EVI5: variants seen among roughly 807,000 people sequenced by gnomAD.
The protein encoded by EVI5 is ecotropic viral integration site 5 protein homolog.
In EVI5, 73 loss-of-function variants were observed where a neutral mutation model predicts 112.0. That is an observed-to-expected ratio of 0.65 (90% CI 0.54 to 0.79). EVI5 has a LOEUF of 0.79. Ranked by LOEUF, EVI5 falls within the 30% of genes least tolerant of loss-of-function variation. EVI5 has a pLI of 0.00. For synonymous variants in EVI5, 305 were observed against 319.9 expected, an observed-to-expected ratio of 0.95 and a Z score of 0.50; for missense variants, 900 against 968.8, an observed-to-expected ratio of 0.93 and a Z score of 0.94.
At position 92,784,853 on chromosome 1, in the gene EVI5, G is replaced by C. The variant is rs1685412680; in HGVS notation, c.-99C>G. The stretch of plus-strand genomic sequence containing the variant: ...CCCCTCACCTTGGAAACGTTGAGTA[G>C]ACTTCGCCGTAAACATTAACTTCCC... On this transcript the variant is annotated 5_prime_UTR_variant, in exon 1 of 20. Transcript: ENST00000684568. 2 of 985,558 alleles carry C rather than the reference G, an allele frequency of 2.0e-6. No homozygotes were observed. Among genetic ancestry groups the C allele is most frequent in the African/African-American group, 1.7e-5 (1 of 57,192 alleles). 61.1% of individuals were successfully genotyped at this position (985,558 alleles called of 1,614,324 possible).
At chr1:92,575,748 G>A (rs958249907) in intron 18 of EVI5, among the ~76,000 whole-genome samples, 1 of 151,792 alleles carries the variant, frequency 6.6e-6, no homozygotes, top group African/African-American at 2.4e-5. Flanking sequence ...ATTTTTAGCA[G>A]AGACAGGGTT....
chr1:92,725,721 T>TA lies in EVI5; in HGVS notation c.149+10676dup, dbSNP rs35476776. ...CTGGGTGACAGAGTGAGATTTTGTT[T>TA]AAAAAAAAAAAAAAATCGGGCATGC... is the stretch of plus-strand genomic sequence containing the variant. On this transcript the variant is annotated intron_variant, in intron 2 of 19. Transcript: ENST00000684568. Among the ~76,000 whole-genome samples, 17 of 146,634 alleles carry TA rather than the reference T, an allele frequency of 1.2e-4. 1 individual carries two copies. The highest frequency in any genetic ancestry group is 4.7e-4 in the Admixed American group (7 of 14,780).
chr1:92,619,445 C>CAT (rs34573809), intron 16 of EVI5, among the ~76,000 whole-genome samples: 60,610 of 146,508 alleles, frequency 0.41, 13,112 homozygotes, highest in East Asian at 0.72. Context: ...AATAAACTCC[C>CAT]ATATATATAT....
At chr1:92,704,150 A>G (rs1029505928) in intron 3 of EVI5, among the ~76,000 whole-genome samples, 1 of 151,964 alleles carries the variant, frequency 6.6e-6, no homozygotes, top group Admixed American at 6.6e-5. Context: ...TCTCTACAAA[A>G]AGGAAAATAA....
chr1:92,695,186 A>C (rs1354249560), intron 7 of EVI5, 124 bp downstream of exon 7: 1 of 697,598 alleles, frequency 1.4e-6, no homozygotes, highest in African/African-American at 1.8e-5. Flanking sequence ...AAATGAGATT[A>C]TCCATGTAAG....
At chr1:92,768,201 C>G (rs980007318) in intron 1 of EVI5, among the ~76,000 whole-genome samples, 2 of 152,010 alleles carry the variant, frequency 1.3e-5, no homozygotes, top group African/African-American at 4.8e-5. Context: ...GGTCTTAATT[C>G]CCTGAGCTCC....
intron 18 of EVI5, chr1:92,580,388 T>C (rs113949236): frequency 6.6e-6 from 1 of 152,242 alleles, no homozygotes; most frequent in Non-Finnish European, 1.5e-5. Context: ...GCTTCAAAGC[T>C]TAAGTAATAA....
chr1:92,708,387 T>A (rs1570492090), intron 2 of EVI5, among the ~76,000 whole-genome samples: 1 of 152,068 alleles, frequency 6.6e-6, no homozygotes, highest in African/African-American at 2.4e-5. Flanking sequence ...ACATCACTAG[T>A]CATAGGGAAA....
chr1:92,633,271 G>A (rs1279200512), intron 14 of EVI5, among the ~76,000 whole-genome samples: 2 of 152,108 alleles, frequency 1.3e-5, no homozygotes, highest in Non-Finnish European at 2.9e-5. Flanking sequence ...TTGACAGTGG[G>A]GTGTTAAAGT....
At chr1:92,777,825 T>C (rs548615618) in intron 1 of EVI5, among the ~76,000 whole-genome samples, 1 of 152,214 alleles carries the variant, frequency 6.6e-6, no homozygotes, top group South Asian at 2.1e-4. Context: ...CAAGCCATTA[T>C]GACAGGGAGA....
intron 18 of EVI5, among the ~76,000 whole-genome samples, chr1:92,585,900 T>A (rs921554672): frequency 6.6e-6 from 1 of 152,188 alleles, no homozygotes; most frequent in South Asian, 2.1e-4. Context: ...CACATTACAT[T>A]TAGTTGTAAT....
chr1:92,671,555 A>C (rs1665881628), intron 10 of EVI5, among the ~76,000 whole-genome samples: 1 of 152,172 alleles, frequency 6.6e-6, no homozygotes. Flanking sequence ...ATATTTAAGA[A>C]GCTAACTGGA....
At chr1:92,544,532 T>A (rs1422399113) in intron 19 of EVI5, among the ~76,000 whole-genome samples, 1 of 152,268 alleles carries the variant, frequency 6.6e-6, no homozygotes, top group Middle Eastern at 3.4e-3. Context: ...AAAAGACATA[T>A]GATGACCTCC....
intron 14 of EVI5, among the ~76,000 whole-genome samples, chr1:92,632,108 T>A (rs1224489071): frequency 6.6e-6 from 1 of 152,176 alleles, no homozygotes; most frequent in African/African-American, 2.4e-5. Context: ...ATTTTCACAT[T>A]GATGTTCATC....
chr1:92,742,834 A>AT (rs1158206671), intron 1 of EVI5, among the ~76,000 whole-genome samples: 1 of 152,252 alleles, frequency 6.6e-6, no homozygotes, highest in Non-Finnish European at 1.5e-5. Context: ...CGAAAACAGT[A>AT]TGGCAGTTCC....
chr1:92,636,565 T>C lies in EVI5; in HGVS notation c.1393-229A>G, dbSNP rs185885364. 2.1e-3 allele frequency among the ~76,000 whole-genome samples: 322 copies of C among 152,328 alleles called. 3 individuals are homozygous for C. The highest frequency in any genetic ancestry group is 6.8e-3 in the Middle Eastern group (2 of 294). On this transcript the variant is annotated intron_variant, in intron 13 of 19. Transcript: ENST00000684568. ...GACCACATTATTGGGTTTTGGTAAC[T>C]AGTTATTACGCTGATCAAATCTGAT...
intron 13 of EVI5, 52 bp from the exon 14 acceptor site, chr1:92,636,388 T>C (rs763968277): frequency 2.7e-6 from 4 of 1,506,488 alleles, no homozygotes; most frequent in South Asian, 1.2e-5. Flanking sequence ...AACATGTATA[T>C]ACAATAAAAA....
chr1:92,580,219 T>C (rs940587243), intron 18 of EVI5, among the ~76,000 whole-genome samples: 1 of 152,218 alleles, frequency 6.6e-6, no homozygotes, highest in Non-Finnish European at 1.5e-5. Context: ...GAGTCATTCT[T>C]TCCTGTTTAA....
intron 9 of EVI5, among the ~76,000 whole-genome samples, chr1:92,685,027 C>A (rs919860037): frequency 2.6e-5 from 4 of 151,814 alleles, no homozygotes; most frequent in African/African-American, 4.8e-5. Flanking sequence ...ATATCCAGGA[C>A]TTGAACTCAG....
Sources: allele counts gnomAD v4.1 joint callset (sites outside exome capture counted in the v4.1 genomes callset), GRCh38; gene constraint gnomAD v4.1.1; transcripts MANE v1.5; gene names NCBI Gene and HGNC (gene_info 2026-07-23, HGNC 2026-07-21).